Variants in CDC14A observed in about 807,000 individuals in gnomAD.
The protein encoded by CDC14A is cell division cycle 14A, also known as dual specificity protein phosphatase CDC14A.
CDC14A carries 53 observed loss-of-function variants against 74.4 expected under a neutral mutation model. That is an observed-to-expected ratio of 0.71 (90% CI 0.57 to 0.89). The LOEUF (loss-of-function observed/expected upper bound fraction) is 0.89. Among genes scored for constraint, CDC14A ranks in the 40% least tolerant of loss-of-function variants. The probability of loss-of-function intolerance (pLI) is 0.00; values close to 1 mark genes in which losing one functional copy is unlikely to be tolerated. For missense variants in CDC14A, 646 were observed against 713.7 expected (o/e 0.91, Z 1.08); for synonymous variants, 247 against 258.4 (o/e 0.96, Z 0.43).
intron 2 of CDC14A, among the ~76,000 whole-genome samples, chr1:100,372,904 G>A (rs1265671629): frequency 1.3e-5 from 2 of 152,344 alleles, no homozygotes; most frequent in East Asian, 3.9e-4. Context: ...TTTGGCTTAA[G>A]GGAATGCTGT....
intron 8 of CDC14A, among the ~76,000 whole-genome samples, chr1:100,456,437 CT>C (rs374175220): frequency 6.6e-6 from 1 of 150,740 alleles, no homozygotes; most frequent in Admixed American, 6.6e-5. Flanking sequence ...ATCCCCCCCC[CT>C]TTTTTTTTCT....
At chr1:100,383,781 A>G (rs897577168) in intron 3 of CDC14A, 12 of 152,216 alleles carry the variant, frequency 7.9e-5, no homozygotes, top group African/African-American at 2.9e-4. Flanking sequence ...GGCTGCATTA[A>G]TGTCTTCCTT....
chr1:100,391,144 A>G (rs1657646068), intron 4 of CDC14A: 1 of 342,644 alleles, frequency 2.9e-6, no homozygotes. Context: ...GCATGTGTGT[A>G]TGTTTAAATG....
intron 4 of CDC14A, among the ~76,000 whole-genome samples, chr1:100,420,051 C>CATATATATATATATATAT (rs1430165704): frequency 2.0e-4 from 3 of 14,812 alleles, no homozygotes; most frequent in African/African-American, 7.5e-4. Flanking sequence ...CACACACACA[C>CATATATATATATATATAT]ACACACACAC....
At chr1:100,459,086 AACACACACACACACGCACAC>A (rs1667024243) in intron 8 of CDC14A, among the ~76,000 whole-genome samples, 1 of 129,232 alleles carries the variant, frequency 7.7e-6, no homozygotes. Context: ...CTTCTATTTA[AACACACACACACACGCACAC>A]ACACACACAC....
chr1:100,395,583 C>T (rs1658358838), intron 4 of CDC14A, among the ~76,000 whole-genome samples: 1 of 152,220 alleles, frequency 6.6e-6, no homozygotes, highest in Non-Finnish European at 1.5e-5. Flanking sequence ...ATTATGACCA[C>T]AGCTTTATAT....
chr1:100,405,608 T>C (rs1039178968), intron 4 of CDC14A, among the ~76,000 whole-genome samples: 2 of 152,248 alleles, frequency 1.3e-5, no homozygotes, highest in African/African-American at 4.8e-5. Context: ...TAGCTCCCAC[T>C]TATGAGTGAG....
intron 2 of CDC14A, among the ~76,000 whole-genome samples, chr1:100,356,902 G>A (rs1055151389): frequency 2.1e-5 from 3 of 145,832 alleles, no homozygotes; most frequent in Non-Finnish European, 4.5e-5. Flanking sequence ...AAAGAAACAA[G>A]TACCTGGATT....
At chr1:100,515,737 A>T (rs547424749) in intron 15 of CDC14A, among the ~76,000 whole-genome samples, 21 of 152,294 alleles carry the variant, frequency 1.4e-4, no homozygotes, top group African/African-American at 4.6e-4. Context: ...AAGGAAGTTA[A>T]TTTGTTACAA....
At chr1:100,384,535 G>C (rs527732531) in intron 3 of CDC14A, among the ~76,000 whole-genome samples, 55 of 152,294 alleles carry the variant, frequency 3.6e-4, no homozygotes, top group Admixed American at 1.9e-3. Flanking sequence ...TTTGAGGTTA[G>C]AGAGTGGGTT....
At chr1:100,363,379 A>C (rs981870937) in intron 2 of CDC14A, among the ~76,000 whole-genome samples, 2 of 152,180 alleles carry the variant, frequency 1.3e-5, no homozygotes, top group South Asian at 4.1e-4. Flanking sequence ...ACCCTTACCG[A>C]GGGCTCCCGA....
intron 8 of CDC14A, among the ~76,000 whole-genome samples, chr1:100,459,670 T>A (rs17456578): frequency 6.6e-6 from 1 of 152,164 alleles, no homozygotes. Context: ...TCAGCTTAAC[T>A]CCAGGACTTT....
chr1:100,393,731 G>A (rs548016909), intron 4 of CDC14A: 9 of 363,752 alleles, frequency 2.5e-5, no homozygotes, highest in East Asian at 7.1e-5. Context: ...TGAGGCGGGC[G>A]GATCACAAGG....
At chr1:100,412,182 C>G (rs996720129) in intron 4 of CDC14A, among the ~76,000 whole-genome samples, 1 of 152,146 alleles carries the variant, frequency 6.6e-6, no homozygotes, top group Non-Finnish European at 1.5e-5. Context: ...TAAAAACTCA[C>G]CTTTTAGAAT....
chr1:100,352,498 G>A (rs1651194796), upstream of CDC14A: 3 of 1,031,350 alleles, frequency 2.9e-6, no homozygotes, highest in East Asian at 1.1e-4. Context: ...TGGCGAAGGA[G>A]GATCCGGAGC....
In CDC14A at chr1:100,443,926, C is replaced by T. The variant is rs562382951; in HGVS notation, c.519+930C>T. ...AACATTCTCGGAAGGTGAACTCATCCGTTGGGTTTCCCCAGAGGAGTAATA... is the reference window on the plus strand; with the variant it reads ...AACATTCTCGGAAGGTGAACTCATCTGTTGGGTTTCCCCAGAGGAGTAATA... On this transcript the variant is annotated intron_variant, in intron 7 of 15. Transcript: ENST00000336454. Among the ~76,000 whole-genome samples the T allele has an allele frequency of 5.3e-5, 8 of 152,220 alleles. No homozygotes were observed. The East Asian group carries it at 9.6e-4, about 18-fold the overall frequency.
chr1:100,415,151 T>C (rs1054711275), intron 4 of CDC14A, among the ~76,000 whole-genome samples: 1 of 152,202 alleles, frequency 6.6e-6, no homozygotes, highest in African/African-American at 2.4e-5. Flanking sequence ...AAGACACACA[T>C]GGCTAATATT....
chr1:100,393,663 A>G (rs1658033834), intron 4 of CDC14A: 2 of 536,480 alleles, frequency 3.7e-6, no homozygotes, highest in Non-Finnish European at 7.0e-6. Flanking sequence ...ATATGGATCA[A>G]GTGGTCAATA....
intron 3 of CDC14A, among the ~76,000 whole-genome samples, chr1:100,382,770 C>T (rs1035056496): frequency 2.0e-5 from 3 of 152,026 alleles, no homozygotes; most frequent in Non-Finnish European, 4.4e-5. Context: ...ACAAAACATC[C>T]CATATAGCCC....
Sources: allele counts gnomAD v4.1 joint callset (sites outside exome capture counted in the v4.1 genomes callset), GRCh38; gene constraint gnomAD v4.1.1; transcripts MANE v1.5; gene names NCBI Gene and HGNC (gene_info 2026-07-23, HGNC 2026-07-21).